SEPTIN9: variants seen among roughly 807,000 people sequenced by gnomAD.
SEPTIN9 encodes septin 9, also known as septin-9.
A neutral mutation model predicts 56.6 loss-of-function variants in SEPTIN9; 13 were observed. That is an observed-to-expected ratio of 0.23 (90% CI 0.15 to 0.37). The LOEUF is 0.37. Among genes scored for constraint, SEPTIN9 ranks in the 10% least tolerant of loss-of-function variants. The probability of loss-of-function intolerance (pLI) is 1.00; values close to 1 mark genes in which losing one functional copy is unlikely to be tolerated. For synonymous variants in SEPTIN9, 332 were observed against 334.1 expected (o/e 0.99, Z 0.07); for missense variants, 650 against 823.1 (o/e 0.79, Z 2.57).
intron 3 of SEPTIN9, among the ~76,000 whole-genome samples, chr17:77,455,402 C>T (rs557216041): frequency 1.8e-3 from 271 of 152,364 alleles, no homozygotes; most frequent in Non-Finnish European, 2.8e-3. Flanking sequence ...CTGCTGCCCC[C>T]GCCCTGCTCT....
Position 77,371,433 on chromosome 17 carries a change from A to G in SEPTIN9, c.77-30626A>G, listed in dbSNP as rs2034716402. On this transcript the variant is annotated intron_variant, in intron 2 of 11. Coordinates refer to ENST00000427177, the MANE Select transcript of SEPTIN9 (RefSeq NM_001113491.2). The surrounding 1 kb of genome is among the most constrained non-coding windows in gnomAD (Gnocchi z 4.1). ...GAACTCCATGCCAGCCCTGGGAAAG[A>G]ACAATTGCATGGGTGTGTCCACACT... Among the ~76,000 whole-genome samples, 2 of 152,364 alleles carry G rather than the reference A, an allele frequency of 1.3e-5. No homozygotes were observed. The highest frequency in any genetic ancestry group is 3.9e-4 in the East Asian group (2 of 5,192).
chr17:77,326,978 C>T lies in SEPTIN9; in HGVS notation c.76+19781C>T, dbSNP rs1409449122. Among the ~76,000 whole-genome samples the T allele has an allele frequency of 6.6e-6, 1 of 151,966 alleles. No individual in the cohort carries two copies. The highest frequency in any genetic ancestry group is 1.5e-5 in the Non-Finnish European group (1 of 67,994). On this transcript the variant is annotated intron_variant, in intron 2 of 11. Transcript: ENST00000427177. The surrounding 1 kb of genome is among the most constrained non-coding windows in gnomAD (Gnocchi z 5.1). ...AGCACATGGAAGCTCTGCGTCCCTC[C>T]CCCATACCTTGCCCTACACATCTCT...
intron 1 of SEPTIN9, among the ~76,000 whole-genome samples, chr17:77,288,479 G>A (rs1226130958): frequency 6.6e-6 from 1 of 152,232 alleles, no homozygotes; most frequent in Non-Finnish European, 1.5e-5. Context: ...TACCAGGAAG[G>A]GCTGGGCAGA....
chr17:77,458,847 G>A (rs1204337783), intron 3 of SEPTIN9, among the ~76,000 whole-genome samples: 2 of 152,230 alleles, frequency 1.3e-5, no homozygotes, highest in Non-Finnish European at 2.9e-5. Flanking sequence ...GCCTTGTGGC[G>A]CAGGAGTGTG....
In SEPTIN9 at chr17:77,400,875, G is replaced by T. The variant is rs2035875665; in HGVS notation, c.77-1184G>T. 6.6e-6 allele frequency among the ~76,000 whole-genome samples: 1 copy of T among 152,186 alleles called. No homozygotes were observed. The highest frequency in any genetic ancestry group is 1.5e-5 in the Non-Finnish European group (1 of 68,034). On this transcript the variant is annotated intron_variant, in intron 2 of 11. Coordinates refer to ENST00000427177, the MANE Select transcript of SEPTIN9 (RefSeq NM_001113491.2). The surrounding 1 kb of genome is among the most constrained non-coding windows in gnomAD (Gnocchi z 4.1). ...GCGGCTGGCTCTCATTTGGAGTGCG[G>T]TTGTGGGGACTGTGGAGGTGGCAGC...
intron 2 of SEPTIN9, among the ~76,000 whole-genome samples, chr17:77,348,596 G>A (rs1205338027): frequency 6.6e-6 from 1 of 151,992 alleles, no homozygotes; most frequent in Non-Finnish European, 1.5e-5. Flanking sequence ...CACTGAGCCC[G>A]GCCTGTTTTG....
In SEPTIN9 at chr17:77,324,819, A is replaced by ATTTTT. The variant is rs71160225; in HGVS notation, c.76+17635_76+17639dup. Among the ~76,000 whole-genome samples the ATTTTT allele has an allele frequency of 4.2e-4, 55 of 130,306 alleles. 3 individuals carry two copies. Among genetic ancestry groups the ATTTTT allele is most frequent in the African/African-American group, 1.1e-3 (36 of 33,774 alleles). 85.5% of individuals were successfully genotyped at this position (130,306 alleles called of 152,430 possible). A position where few individuals can be genotyped will look rare whatever the true frequency, so the allele number is the denominator to read the frequency against. On this transcript the variant is annotated intron_variant, in intron 2 of 11. Coordinates refer to ENST00000427177, the MANE Select transcript of SEPTIN9 (RefSeq NM_001113491.2). ...CGTTGTTAGTGCCCTTTGATATGCA[A>ATTTTT]TTTTTTTTTTTTTTTTTGAGATGGA...
chr17:77,303,299 C>T (rs2032136608), intron 1 of SEPTIN9, among the ~76,000 whole-genome samples: 1 of 151,570 alleles, frequency 6.6e-6, no homozygotes, highest in South Asian at 2.1e-4. Context: ...TGGGGTTTCC[C>T]TATGTTGGTC....
rs984360639 is a variant in SEPTIN9 at position 77,319,618 on chromosome 17, C to T, written c.76+12421C>T. 17 of 1,061,708 alleles carry T rather than the reference C, an allele frequency of 1.6e-5. No homozygotes were observed. The highest frequency in any genetic ancestry group is 1.5e-4 in the East Asian group (3 of 19,736). 65.8% of individuals were successfully genotyped at this position (1,061,708 alleles called of 1,614,324 possible). On this transcript the variant is annotated intron_variant, in intron 2 of 11. Coordinates refer to ENST00000427177, the MANE Select transcript of SEPTIN9 (RefSeq NM_001113491.2). This position sits in a 1 kb window ranked among gnomAD's most constrained non-coding sequence, Gnocchi z 5.3. ...TTTCTCAGCACGCTGGCCTGGGGCA[C>T]GGCCGTTCCTCCTGCCCAGCCACGT... is the stretch of plus-strand genomic sequence containing the variant.
intron 2 of SEPTIN9, among the ~76,000 whole-genome samples, chr17:77,397,428 G>A (rs535818626): frequency 3.9e-5 from 6 of 152,206 alleles, no homozygotes; most frequent in Admixed American, 2.0e-4. Flanking sequence ...GTCTCATCCC[G>A]GGATCCCTAA....
chr17:77,479,183 C>CACGT lies in SEPTIN9; in HGVS notation c.722-2960_722-2957dup, dbSNP rs547084763. Among the ~76,000 whole-genome samples, 619 of 152,362 alleles carry CACGT rather than the reference C, an allele frequency of 4.1e-3. 30 individuals are homozygous for CACGT. The South Asian group carries it at 0.099, about 24-fold the overall frequency. ...CGTTATGACAATTAAAAGGAAAAGTCACGTGGCCAGTGGCTACCACGCTGA... is the reference window on the plus strand; with the variant it reads ...CGTTATGACAATTAAAAGGAAAAGTCACGTACGTGGCCAGTGGCTACCACGCTGA... On this transcript the variant is annotated intron_variant, in intron 3 of 11. Coordinates refer to ENST00000427177, the MANE Select transcript of SEPTIN9 (RefSeq NM_001113491.2).
intron 2 of SEPTIN9, among the ~76,000 whole-genome samples, chr17:77,333,605 C>T (rs976188484): frequency 2.0e-5 from 3 of 152,186 alleles, no homozygotes; most frequent in African/African-American, 7.2e-5. Flanking sequence ...TTAACAAACT[C>T]CTTTCTTTGT....
chr17:77,382,959 C>T (rs191421140), intron 2 of SEPTIN9, among the ~76,000 whole-genome samples: 69 of 152,226 alleles, frequency 4.5e-4, no homozygotes, highest in African/African-American at 1.6e-3. Context: ...GTAGGGGGCA[C>T]AGAACGGAGA....
chr17:77,487,028 G>A lies in SEPTIN9; in HGVS notation c.914-396G>A, dbSNP rs965964447. 3.3e-5 allele frequency among the ~76,000 whole-genome samples: 5 copies of A among 152,284 alleles called. No individual in the cohort carries two copies. Among genetic ancestry groups the A allele is most frequent in the Admixed American group, 6.5e-5 (1 of 15,302 alleles). On this transcript the variant is annotated intron_variant, in intron 4 of 11. Coordinates refer to ENST00000427177, the MANE Select transcript of SEPTIN9 (RefSeq NM_001113491.2). This position sits in a 1 kb window ranked among gnomAD's most constrained non-coding sequence, Gnocchi z 4.3. Reference sequence around the variant, plus strand: ...CACCCTGGTGAACTGCAGGAATCCCGGCCACCTGGTGCACCCTGGGCAGCC... The same window carrying A: ...CACCCTGGTGAACTGCAGGAATCCCAGCCACCTGGTGCACCCTGGGCAGCC...
At chr17:77,412,484 C>A (rs1038157092) in intron 3 of SEPTIN9, among the ~76,000 whole-genome samples, 3 of 152,158 alleles carry the variant, frequency 2.0e-5, no homozygotes, top group African/African-American at 4.8e-5. Flanking sequence ...CACCTATAAT[C>A]CCAGCACTTT....
At position 77,281,563 on chromosome 17, in the gene SEPTIN9, C is replaced by T; in HGVS notation, c.19+9C>T. 2.6e-6 allele frequency: 4 copies of T among 1,540,906 alleles called. No individual in the cohort carries two copies. The highest frequency in any genetic ancestry group is 3.5e-6 in the Non-Finnish European group (4 of 1,143,258). On this transcript the variant is annotated intron_variant, in intron 1 of 11. Coordinates refer to ENST00000427177, the MANE Select transcript of SEPTIN9 (RefSeq NM_001113491.2). ...GAAGAAGTCTTACTCAGGTGGGCTT[C>T]GCGCCCGGGGTGGGGAGGGGTCGGT...
chr17:77,372,876 GC>G (rs2034765491), intron 2 of SEPTIN9, among the ~76,000 whole-genome samples: 1 of 152,272 alleles, frequency 6.6e-6, no homozygotes, highest in African/African-American at 2.4e-5. Context: ...CGCGTGCGCT[GC>G]CGTTTAACCC....
Position 77,329,265 on chromosome 17 carries a change from CTTTAGAGAGGAA to C in SEPTIN9, c.76+22069_76+22080del. Among the ~76,000 whole-genome samples the C allele has an allele frequency of 6.6e-6, 1 of 152,274 alleles. No individual in the cohort carries two copies. The highest frequency in any genetic ancestry group is 2.1e-4 in the South Asian group (1 of 4,818). Reference sequence around the variant, plus strand: ...AGCTGGAGAGGGAGGATCAGGATCTCTTTAGAGAGGAAGTTGGAGAGGGAGGATCTCTTTGAT... The same window carrying C: ...AGCTGGAGAGGGAGGATCAGGATCTCGTTGGAGAGGGAGGATCTCTTTGAT... On this transcript the variant is annotated intron_variant, in intron 2 of 11. Transcript: ENST00000427177. This position sits in a 1 kb window ranked among gnomAD's most constrained non-coding sequence, Gnocchi z 4.3.
Position 77,492,316 on chromosome 17 carries a change from G to A in SEPTIN9, c.1381-305G>A, listed in dbSNP as rs72887191. Among the ~76,000 whole-genome samples the A allele has an allele frequency of 7.8e-3, 1,194 of 152,254 alleles. 12 individuals carry two copies. The highest frequency in any genetic ancestry group is 0.012 in the Non-Finnish European group (848 of 67,994). On this transcript the variant is annotated intron_variant, in intron 8 of 11. Coordinates refer to ENST00000427177, the MANE Select transcript of SEPTIN9 (RefSeq NM_001113491.2). This position sits in a 1 kb window ranked among gnomAD's most constrained non-coding sequence, Gnocchi z 5.4. ...GAAGGGTTTCAGGAGGGGAGGTCTC[G>A]GTAACCCTGAGTACTTTCTTGGGGC... is the stretch of plus-strand genomic sequence containing the variant.
Sources: gnomAD v4.1 joint callset for allele counts (sites outside exome capture counted in the v4.1 genomes callset) on GRCh38, gnomAD v4.1.1 for gene constraint, Gnocchi (gnomAD v3.1) non-coding constraint, MANE v1.5 for transcripts, NCBI Gene and HGNC (gene_info 2026-07-23, HGNC 2026-07-21) for gene names.